TMEM181: variants seen among roughly 807,000 people sequenced by gnomAD.
The protein encoded by TMEM181 is transmembrane protein 181.
Under a neutral mutation model 71.9 loss-of-function variants are expected in TMEM181, and 39 were observed. The ratio of observed to expected loss-of-function variants is 0.54; its 90% CI spans 0.42 to 0.71. The LOEUF is 0.71. Among genes scored for constraint, TMEM181 ranks in the 30% least tolerant of loss-of-function variants. TMEM181 has a pLI of 0.00. For missense variants in TMEM181, 595 were observed against 583.0 expected, an observed-to-expected ratio of 1.02 and a Z score of -0.21; for synonymous variants, 245 against 228.8, an observed-to-expected ratio of 1.07 and a Z score of -0.64.
intron 1 of TMEM181, among the ~76,000 whole-genome samples, chr6:158,538,355 G>A (rs937935624): frequency 6.6e-6 from 1 of 151,532 alleles, no homozygotes; most frequent in Non-Finnish European, 1.5e-5. Flanking sequence ...GAATTTCCCT[G>A]TCTTGCCCAG....
chr6:158,621,194 G>A (rs1280018090), intron 10 of TMEM181, among the ~76,000 whole-genome samples: 1 of 152,212 alleles, frequency 6.6e-6, no homozygotes, highest in African/African-American at 2.4e-5. Context: ...TGAGTGTGAA[G>A]TTTGGTGCTT....
chr6:158,589,224 A>G (rs1783958397), intron 5 of TMEM181, among the ~76,000 whole-genome samples: 1 of 152,186 alleles, frequency 6.6e-6, no homozygotes, highest in Non-Finnish European at 1.5e-5. Flanking sequence ...TGACAGGTTA[A>G]AAGGAGAGAA....
intron 5 of TMEM181, among the ~76,000 whole-genome samples, chr6:158,585,946 TC>T (rs1454070178): frequency 6.6e-6 from 1 of 152,190 alleles, no homozygotes; most frequent in Non-Finnish European, 1.5e-5. Flanking sequence ...TGCCTTAACT[TC>T]CCAAGTAACT....
Position 158,581,706 on chromosome 6 carries a change from G to C in TMEM181, c.168+711G>C, listed in dbSNP as rs1390549741. On this transcript the variant is annotated intron_variant, in intron 3 of 16. Transcript: ENST00000684151. ...GGCGGGGGAGCTTGCCGTCAGCCAA[G>C]ATCGTGCCAATGCATCCAGCCTGGG... 3.7e-5 allele frequency among the ~76,000 whole-genome samples: 5 copies of C among 133,818 alleles called. No individual in the cohort carries two copies. In the Admixed American group the frequency reaches 4.4e-4, roughly 12 times the overall value. 87.8% of individuals were successfully genotyped at this position (133,818 alleles called of 152,430 possible). A position where few individuals can be genotyped will look rare whatever the true frequency, so the allele number is the denominator to read the frequency against.
At chr6:158,589,806 G>A (rs1480527122) in intron 6 of TMEM181, 24 bp downstream of exon 6, 7 of 1,489,564 alleles carry the variant, frequency 4.7e-6, no homozygotes, top group African/African-American at 1.4e-5. Context: ...CTGACTGCAC[G>A]TTTCCATGGC....
At chr6:158,625,592 G>C (rs1205247235) in intron 12 of TMEM181, 111 bp from the exon 13 acceptor site, 2 of 963,268 alleles carry the variant, frequency 2.1e-6, no homozygotes, top group African/African-American at 1.7e-5. Flanking sequence ...AAGTCTGGAG[G>C]GAGGAGCATT....
At chr6:158,537,673 C>T in intron 1 of TMEM181, among the ~76,000 whole-genome samples, 1 of 152,238 alleles carries the variant, frequency 6.6e-6, no homozygotes, top group African/African-American at 2.4e-5. Flanking sequence ...CCCCCCACCT[C>T]AACCTTCCCC....
At chr6:158,583,925 C>T in intron 3 of TMEM181, 29 bp from the exon 4 acceptor site, 5 of 1,552,516 alleles carry the variant, frequency 3.2e-6, no homozygotes, top group Non-Finnish European at 4.4e-6. Context: ...GAAAAGGTCA[C>T]ATGGATTACT....
At chr6:158,624,975 C>A in intron 11 of TMEM181, 129 bp from the exon 12 acceptor site, 2 of 749,348 alleles carry the variant, frequency 2.7e-6, no homozygotes, top group African/African-American at 1.7e-5. Context: ...CATTGTTCTG[C>A]TTCCTGGAGG....
chr6:158,626,814 A>T (rs988931807), intron 13 of TMEM181: 51 of 449,718 alleles, frequency 1.1e-4, no homozygotes, highest in Non-Finnish European at 2.0e-4. Flanking sequence ...CAACTGACCC[A>T]CCCTCACACA....
At chr6:158,575,180 T>C (rs540889398) in intron 2 of TMEM181, among the ~76,000 whole-genome samples, 44 of 152,346 alleles carry the variant, frequency 2.9e-4, no homozygotes, top group African/African-American at 1.1e-3. Flanking sequence ...GGCCCAGTCA[T>C]GTTGACACAT....
At chr6:158,563,199 A>G (rs1562621811) in intron 1 of TMEM181, among the ~76,000 whole-genome samples, 1 of 152,248 alleles carries the variant, frequency 6.6e-6, no homozygotes, top group Non-Finnish European at 1.5e-5. Context: ...GCTGGAGAGC[A>G]GTGGTGCGAT....
chr6:158,554,604 C>T (rs1781821996), intron 1 of TMEM181, among the ~76,000 whole-genome samples: 1 of 152,180 alleles, frequency 6.6e-6, no homozygotes, highest in African/African-American at 2.4e-5. Flanking sequence ...TTCCAACAAC[C>T]TATTCACAAC....
At chr6:158,552,374 T>G (rs999335885) in intron 1 of TMEM181, among the ~76,000 whole-genome samples, 2 of 152,206 alleles carry the variant, frequency 1.3e-5, no homozygotes, top group African/African-American at 2.4e-5. Flanking sequence ...GCAGGAAGAA[T>G]GTGTTCAAGA....
chr6:158,589,787 G>A lies in TMEM181; in HGVS notation c.492+5G>A. ...ATCAAGGGAATGAACTTCACAGTAAGTATACCAGCTGACTGCACGTTTCCA... is the reference window on the plus strand; with the variant it reads ...ATCAAGGGAATGAACTTCACAGTAAATATACCAGCTGACTGCACGTTTCCA... On this transcript the variant is annotated splice_donor_5th_base_variant and intron_variant, in intron 6 of 16. Coordinates refer to ENST00000684151, the MANE Select transcript of TMEM181 (RefSeq NM_001376852.1). 1 of 1,596,012 alleles carries A rather than the reference G, an allele frequency of 6.3e-7. No individual in the cohort carries two copies. The highest frequency in any genetic ancestry group is 8.6e-7 in the Non-Finnish European group (1 of 1,163,796).
At chr6:158,621,732 A>T (rs1012245444) in intron 10 of TMEM181, 1 of 152,372 alleles carries the variant, frequency 6.6e-6, no homozygotes, top group Admixed American at 6.5e-5. Flanking sequence ...TCCGATATTT[A>T]CTAAAGGCTT....
chr6:158,567,014 G>A (rs1293311873), intron 1 of TMEM181, among the ~76,000 whole-genome samples: 1 of 152,204 alleles, frequency 6.6e-6, no homozygotes, highest in Non-Finnish European at 1.5e-5. Context: ...GTGAAAGTGA[G>A]ATTAATTTAG....
intron 6 of TMEM181, among the ~76,000 whole-genome samples, chr6:158,597,009 C>T (rs1366854852): frequency 2.0e-5 from 3 of 152,168 alleles, no homozygotes; most frequent in Non-Finnish European, 4.4e-5. Context: ...TGTCACCCTG[C>T]ACCCAGCGTG....
intron 10 of TMEM181, chr6:158,611,368 A>G (rs1785297495): frequency 1.9e-6 from 1 of 531,630 alleles, no homozygotes; most frequent in Non-Finnish European, 3.8e-6. Context: ...CCTTTTCGGC[A>G]TTGATTTCCC....
Sources: gnomAD v4.1 joint callset for allele counts (sites outside exome capture counted in the v4.1 genomes callset) on GRCh38, gnomAD v4.1.1 for gene constraint, MANE v1.5 for transcripts, NCBI Gene and HGNC (gene_info 2026-07-23, HGNC 2026-07-21) for gene names.